Variants in CYP27A1 observed in about 807,000 individuals in gnomAD.
The protein encoded by CYP27A1 is sterol 26-hydroxylase, mitochondrial.
A neutral mutation model predicts 58.2 loss-of-function variants in CYP27A1; 46 were observed. The ratio of observed to expected loss-of-function variants is 0.79; its 90% confidence interval spans 0.62 to 1.01. The LOEUF (loss-of-function observed/expected upper bound fraction) is 1.01, where lower values mean the gene tolerates loss of function less well. Among genes scored for constraint, CYP27A1 ranks in the 50% least tolerant of loss-of-function variants. The pLI, the probability that CYP27A1 is intolerant of heterozygous loss-of-function variation, is 0.00. For synonymous variants in CYP27A1, 274 were observed against 285.1 expected (o/e 0.96, Z 0.39); for missense variants, 704 against 687.0 (o/e 1.02, Z -0.28).
chr2:218,800,834 A>G (rs1943593178), intron 1 of CYP27A1, among the ~76,000 whole-genome samples: 1 of 152,200 alleles, frequency 6.6e-6, no homozygotes, highest in African/African-American at 2.4e-5. Flanking sequence ...TTTTTAAAAT[A>G]AAAGCATACC....
At chr2:218,787,563 A>G (rs7594289) in intron 1 of CYP27A1, among the ~76,000 whole-genome samples, 53,974 of 151,978 alleles carry the variant, frequency 0.36, 10,354 homozygotes, top group Non-Finnish European at 0.42. Context: ...TGTGTTGGAA[A>G]CTCGATCTCC....
intron 1 of CYP27A1, among the ~76,000 whole-genome samples, chr2:218,789,340 T>G (rs1943468688): frequency 6.6e-6 from 1 of 152,248 alleles, no homozygotes; most frequent in Non-Finnish European, 1.5e-5. Context: ...GAATTAAGTT[T>G]AACAGAGTTT....
chr2:218,803,807 A>T (rs1199438512), intron 1 of CYP27A1, among the ~76,000 whole-genome samples: 1 of 133,266 alleles, frequency 7.5e-6, no homozygotes. Context: ...ATCTCAGCTC[A>T]CTGCAGCCTC....
chr2:218,812,134 G>T (rs767081775), intron 2 of CYP27A1, 88 bp from the exon 3 acceptor site: 45 of 936,470 alleles, frequency 4.8e-5, no homozygotes, highest in Non-Finnish European at 6.9e-5. Context: ...CTGGATGGAG[G>T]GGGTGGTGGA....
intron 1 of CYP27A1, among the ~76,000 whole-genome samples, chr2:218,802,062 C>T (rs1360287960): frequency 6.7e-6 from 1 of 150,106 alleles, no homozygotes; most frequent in Non-Finnish European, 1.5e-5. Context: ...TATACTTTCT[C>T]CCCAAATAAT....
chr2:218,807,597 G>C (rs1250693493), intron 1 of CYP27A1, among the ~76,000 whole-genome samples: 1 of 152,024 alleles, frequency 6.6e-6, no homozygotes, highest in Non-Finnish European at 1.5e-5. Flanking sequence ...CTGCTCCCCT[G>C]ACCCTCCCAT....
intron 1 of CYP27A1, among the ~76,000 whole-genome samples, chr2:218,808,811 A>G (rs1470460700): frequency 6.6e-6 from 1 of 152,206 alleles, no homozygotes. Flanking sequence ...TTCAGCAACT[A>G]TAAGACTATC....
chr2:218,804,567 A>G (rs796649976), intron 1 of CYP27A1, among the ~76,000 whole-genome samples: 9 of 152,240 alleles, frequency 5.9e-5, no homozygotes, highest in African/African-American at 2.2e-4. Context: ...CAGGTTTTCC[A>G]TTTCTGCAAA....
intron 1 of CYP27A1, among the ~76,000 whole-genome samples, chr2:218,783,816 C>T (rs1466202943): frequency 6.6e-6 from 1 of 152,068 alleles, no homozygotes; most frequent in Non-Finnish European, 1.5e-5. Context: ...TGTGTCTGTG[C>T]TGGGAAGGAG....
At chr2:218,799,966 T>A (rs1334234872) in intron 1 of CYP27A1, among the ~76,000 whole-genome samples, 1 of 152,070 alleles carries the variant, frequency 6.6e-6, no homozygotes, top group Non-Finnish European at 1.5e-5. Context: ...GGGACTTGGG[T>A]TTCTGCCCTA....
At chr2:218,793,885 TC>T (rs1943520652) in intron 1 of CYP27A1, among the ~76,000 whole-genome samples, 1 of 152,130 alleles carries the variant, frequency 6.6e-6, no homozygotes, top group Non-Finnish European at 1.5e-5. Context: ...GGCTAATTTT[TC>T]GTATTTTAGT....
intron 6 of CYP27A1, 43 bp from the exon 7 acceptor site, chr2:218,814,337 C>T (rs780338051): frequency 1.2e-6 from 2 of 1,607,114 alleles, no homozygotes; most frequent in Admixed American, 3.3e-5. Flanking sequence ...ACTTTGTACC[C>T]CCATGAATCC....
intron 1 of CYP27A1, among the ~76,000 whole-genome samples, chr2:218,794,712 G>A (rs1943529085): frequency 6.6e-6 from 1 of 152,162 alleles, no homozygotes; most frequent in Admixed American, 6.5e-5. Flanking sequence ...TCTGAGGGGA[G>A]TGTCCTGTAG....
intron 5 of CYP27A1, 138 bp downstream of exon 5, chr2:218,813,234 A>G: frequency 1.3e-6 from 1 of 791,730 alleles, no homozygotes; most frequent in Non-Finnish European, 1.9e-6. Flanking sequence ...CAGCCCTAGA[A>G]GGAAAATAGA....
intron 1 of CYP27A1, among the ~76,000 whole-genome samples, chr2:218,807,251 GC>G (rs1943661742): frequency 6.6e-6 from 1 of 152,032 alleles, no homozygotes; most frequent in African/African-American, 2.4e-5. Context: ...GAGCCACTGT[GC>G]CCGGCCCTCC....
At chr2:218,784,290 A>G (rs190758866) in intron 1 of CYP27A1, among the ~76,000 whole-genome samples, 191 of 152,348 alleles carry the variant, frequency 1.3e-3, no homozygotes, top group African/African-American at 4.3e-3. Flanking sequence ...ACTTTAAAAT[A>G]TTTTGAGCCT....
At chr2:218,807,533 T>A (rs919489315) in intron 1 of CYP27A1, among the ~76,000 whole-genome samples, 1 of 152,172 alleles carries the variant, frequency 6.6e-6, no homozygotes, top group East Asian at 1.9e-4. Context: ...ATTATCATAG[T>A]TCAAGACTCA....
At chr2:218,800,382 A>C (rs1002181106) in intron 1 of CYP27A1, among the ~76,000 whole-genome samples, 3 of 152,200 alleles carry the variant, frequency 2.0e-5, no homozygotes, top group Non-Finnish European at 4.4e-5. Context: ...AAGACACTCC[A>C]AGTCAGCCAG....
intron 1 of CYP27A1, among the ~76,000 whole-genome samples, chr2:218,792,440 T>A (rs1943503112): frequency 6.6e-6 from 1 of 152,226 alleles, no homozygotes; most frequent in South Asian, 2.1e-4. Context: ...TATAAACCAG[T>A]CAGTTTCTTC....
Sources: gnomAD v4.1 joint callset for allele counts (sites outside exome capture counted in the v4.1 genomes callset) on GRCh38, gnomAD v4.1.1 for gene constraint, MANE v1.5 for transcripts, NCBI Gene and HGNC (gene_info 2026-07-23, HGNC 2026-07-21) for gene names.